The following LMF1 variants were observed in gnomAD, a reference collection of about 807,000 sequenced individuals.
LMF1 encodes the protein transmembrane protein 112.
LMF1 carries 68 observed loss-of-function variants against 60.6 expected under a neutral mutation model. That is an observed-to-expected ratio of 1.12 (90% CI 0.92 to 1.37). The LOEUF (loss-of-function observed/expected upper bound fraction) is 1.37, where lower values mean the gene tolerates loss of function less well. LMF1 is among the 40% of genes most tolerant of loss of function. The pLI is 0.00. For missense variants in LMF1, 948 were observed against 767.2 expected, an observed-to-expected ratio of 1.24 and a Z score of -2.78; for synonymous variants, 418 against 324.7, an observed-to-expected ratio of 1.29 and a Z score of -3.09.
intron 4 of LMF1, chr16:903,823 T>A (rs2070890180): frequency 9.9e-6 from 1 of 101,272 alleles, no homozygotes; most frequent in Admixed American, 1.1e-4. Context: ...CTCTGCTGTG[T>A]GGTGGTGACC....
At chr16:959,332 C>T (rs920515138) in intron 1 of LMF1, among the ~76,000 whole-genome samples, 1 of 152,124 alleles carries the variant, frequency 6.6e-6, no homozygotes, top group African/African-American at 2.4e-5. Flanking sequence ...CTATATACTG[C>T]GTGATTTCAT....
At chr16:931,830 G>C in intron 3 of LMF1, 9 of 1,273,224 alleles carry the variant, frequency 7.1e-6, no homozygotes, top group Non-Finnish European at 9.2e-6. Flanking sequence ...TCAGGCTCAC[G>C]AGGGCTCTCA....
chr16:929,115 TGCTGTCCCATCCCGCGCCTGAAAA>T (rs2071696024), intron 3 of LMF1, among the ~76,000 whole-genome samples: 1 of 152,084 alleles, frequency 6.6e-6, no homozygotes, highest in Admixed American at 6.5e-5. Context: ...GGGGTCACAA[TGCTGTCCCATCCCGCGCCTGAAAA>T]GCCCAGCCAT....
At chr16:924,400 G>A (rs977280944) in intron 3 of LMF1, among the ~76,000 whole-genome samples, 4 of 152,182 alleles carry the variant, frequency 2.6e-5, no homozygotes, top group African/African-American at 9.7e-5. Flanking sequence ...GACTATTCAT[G>A]CACATGCCCA....
intron 1 of LMF1, among the ~76,000 whole-genome samples, chr16:963,471 G>T (rs541016184): frequency 6.6e-6 from 1 of 152,080 alleles, no homozygotes; most frequent in Non-Finnish European, 1.5e-5. Flanking sequence ...ATGTGTGCAC[G>T]GGTGTATGCA....
At chr16:943,401 T>G (rs2072158124) in intron 2 of LMF1, among the ~76,000 whole-genome samples, 1 of 146,504 alleles carries the variant, frequency 6.8e-6, no homozygotes, top group South Asian at 2.2e-4. Context: ...ATTCAGAGTC[T>G]CTGCTAAATT....
chr16:954,062 G>GCCTCCT (rs1567312834), intron 2 of LMF1, among the ~76,000 whole-genome samples: 2 of 110,746 alleles, frequency 1.8e-5, no homozygotes, highest in African/African-American at 8.1e-5. Flanking sequence ...CACAGACACA[G>GCCTCCT]ACCCACTGCT....
intron 3 of LMF1, among the ~76,000 whole-genome samples, chr16:929,831 A>C (rs2071718720): frequency 6.6e-6 from 1 of 152,274 alleles, no homozygotes; most frequent in Admixed American, 6.5e-5. Flanking sequence ...CATCCTGCTC[A>C]GCAGTCACGT....
At chr16:875,713 G>T (rs1567165563) in intron 6 of LMF1, among the ~76,000 whole-genome samples, 1 of 152,190 alleles carries the variant, frequency 6.6e-6, no homozygotes, top group East Asian at 1.9e-4. Context: ...CCCTGCCTGG[G>T]CTGTGTGTCC....
intron 1 of LMF1, among the ~76,000 whole-genome samples, chr16:966,353 T>C (rs1424329437): frequency 6.6e-6 from 1 of 152,204 alleles, no homozygotes; most frequent in Non-Finnish European, 1.5e-5. Context: ...CAGCCGGCCC[T>C]GGCCGGGGCG....
intron 1 of LMF1, among the ~76,000 whole-genome samples, chr16:963,626 G>A (rs2151489013): frequency 6.6e-6 from 1 of 152,230 alleles, no homozygotes; most frequent in Middle Eastern, 3.4e-3. Flanking sequence ...AGCCTTCATT[G>A]GTGCTAGGCT....
At chr16:943,765 T>A (rs1042808520) in intron 2 of LMF1, among the ~76,000 whole-genome samples, 2 of 148,996 alleles carry the variant, frequency 1.3e-5, no homozygotes, top group Non-Finnish European at 1.5e-5. Flanking sequence ...AATACTTCCC[T>A]TGAGTCCTGG....
chr16:882,421 CT>C (rs1403065599), intron 5 of LMF1, among the ~76,000 whole-genome samples: 1 of 152,236 alleles, frequency 6.6e-6, no homozygotes, highest in Non-Finnish European at 1.5e-5. Context: ...TTAAAGGTCC[CT>C]CTACTCTGAG....
At chr16:871,742 G>C (rs1264633474) in intron 6 of LMF1, 1 of 186,776 alleles carries the variant, frequency 5.4e-6, no homozygotes, top group South Asian at 1.3e-4. Context: ...GCTGTGCTTG[G>C]AGAGTGGGTA....
At chr16:873,354 G>A (rs907180757) in intron 6 of LMF1, 3 of 152,304 alleles carry the variant, frequency 2.0e-5, no homozygotes, top group Admixed American at 6.5e-5. Flanking sequence ...CAGATGACCC[G>A]GCCGGTGGCT....
chr16:955,682 A>G (rs921089176), intron 1 of LMF1, among the ~76,000 whole-genome samples: 2 of 152,230 alleles, frequency 1.3e-5, no homozygotes, highest in Admixed American at 1.3e-4. Context: ...CAGCAGATGC[A>G]GTGTGTATAC....
chr16:947,183 T>C (rs12923035), intron 2 of LMF1, among the ~76,000 whole-genome samples: 72,378 of 152,158 alleles, frequency 0.48, 18,882 homozygotes, highest in African/African-American at 0.69. Flanking sequence ...GTGTGGCAAC[T>C]GCCACCCCTC....
chr16:881,929 G>A (rs73497236), intron 5 of LMF1, among the ~76,000 whole-genome samples: 3,991 of 152,320 alleles, frequency 0.026, 156 homozygotes, highest in African/African-American at 0.092. Flanking sequence ...GGGAGCGGGG[G>A]CTGCTTATGC....
intron 3 of LMF1, among the ~76,000 whole-genome samples, chr16:928,060 G>C (rs2071661580): frequency 1.3e-5 from 2 of 152,194 alleles, no homozygotes; most frequent in African/African-American, 4.8e-5. Context: ...CCGAATTCCA[G>C]CACAACCTGC....
Sources: gnomAD v4.1 joint callset for allele counts (sites outside exome capture counted in the v4.1 genomes callset) on GRCh38, gnomAD v4.1.1 for gene constraint, MANE v1.5 for transcripts, NCBI Gene and HGNC (gene_info 2026-07-23, HGNC 2026-07-21) for gene names.